Variants in CTBP2 observed in about 807,000 individuals in gnomAD.
CTBP2 encodes C-terminal-binding protein 2.
A neutral mutation model predicts 80.3 loss-of-function variants in CTBP2; 30 were observed. The ratio of observed to expected loss-of-function variants is 0.37; its 90% confidence interval spans 0.28 to 0.51. The LOEUF (loss-of-function observed/expected upper bound fraction) is 0.51. CTBP2 is among the 20% of genes least tolerant of loss of function. The pLI, the probability that CTBP2 is intolerant of heterozygous loss-of-function variation, is 0.93. For missense variants in CTBP2, 1,212 were observed against 1,375.3 expected (o/e 0.88, Z 1.88); for synonymous variants, 594 against 587.4 (o/e 1.01, Z -0.16).
chr10:125,093,879 A>G (rs1849157112), intron 2 of CTBP2, among the ~76,000 whole-genome samples: 2 of 152,196 alleles, frequency 1.3e-5, no homozygotes, highest in Non-Finnish European at 2.9e-5. Flanking sequence ...GATTCAACTA[A>G]ATCATCTCAA....
intron 1 of CTBP2, among the ~76,000 whole-genome samples, chr10:125,147,668 AG>A (rs1228612961): frequency 4.0e-5 from 6 of 150,644 alleles, no homozygotes; most frequent in Non-Finnish European, 8.8e-5. Flanking sequence ...GAGGCCAAGG[AG>A]GGAGGATTAC....
chr10:124,991,509 AT>A (rs1227824469), intron 8 of CTBP2, among the ~76,000 whole-genome samples: 2 of 152,238 alleles, frequency 1.3e-5, no homozygotes, highest in Non-Finnish European at 2.9e-5. Flanking sequence ...GAAGACAGCC[AT>A]GTGACCTGCA....
chr10:125,009,637 G>C (rs1955643388), intron 1 of CTBP2, among the ~76,000 whole-genome samples: 1 of 152,182 alleles, frequency 6.6e-6, no homozygotes, highest in Non-Finnish European at 1.5e-5. Context: ...TCAGAACTAA[G>C]GCCTGCTAAC....
intron 2 of CTBP2, among the ~76,000 whole-genome samples, chr10:125,104,607 T>C (rs950121925): frequency 6.6e-6 from 1 of 152,202 alleles, no homozygotes; most frequent in African/African-American, 2.4e-5. Context: ...CTCGCATGTA[T>C]TACCCGTGTG....
chr10:125,023,966 C>G (rs1005022546), intron 1 of CTBP2, among the ~76,000 whole-genome samples: 1 of 152,162 alleles, frequency 6.6e-6, no homozygotes, highest in Admixed American at 6.5e-5. Context: ...GGCACCAGAA[C>G]GAAGATGCGT....
intron 2 of CTBP2, among the ~76,000 whole-genome samples, chr10:125,047,632 C>T (rs191934876): frequency 8.5e-5 from 13 of 152,344 alleles, no homozygotes; most frequent in Admixed American, 2.6e-4. Context: ...AGGTTATATG[C>T]TAAACCTATG....
chr10:125,076,075 C>T (rs1483602039), intron 2 of CTBP2, among the ~76,000 whole-genome samples: 2 of 152,220 alleles, frequency 1.3e-5, no homozygotes, highest in African/African-American at 2.4e-5. Flanking sequence ...CACAATGGAA[C>T]CGTACACAGA....
intron 2 of CTBP2, among the ~76,000 whole-genome samples, chr10:125,055,593 G>C (rs1390472785): frequency 6.6e-6 from 1 of 152,144 alleles, no homozygotes; most frequent in Admixed American, 6.5e-5. Context: ...GAGTCAGACT[G>C]AGCCACACCA....
chr10:125,025,526 C>A (rs1957446214), intron 1 of CTBP2, among the ~76,000 whole-genome samples: 1 of 152,190 alleles, frequency 6.6e-6, no homozygotes, highest in African/African-American at 2.4e-5. Context: ...CAACATCTTG[C>A]TTTGTTTAAC....
chr10:125,050,256 C>T (rs976501094), intron 2 of CTBP2, among the ~76,000 whole-genome samples: 7 of 152,148 alleles, frequency 4.6e-5, no homozygotes, highest in African/African-American at 1.2e-4. Context: ...TGCGACAGGT[C>T]GTGGAAATGA....
chr10:125,006,684 T>TGA (rs1955286271), intron 1 of CTBP2, among the ~76,000 whole-genome samples: 2 of 152,216 alleles, frequency 1.3e-5, no homozygotes, highest in Non-Finnish European at 2.9e-5. Context: ...TCTGACCATT[T>TGA]GAGCAAGTTT....
chr10:125,099,711 G>A (rs1189142440), intron 2 of CTBP2, among the ~76,000 whole-genome samples: 1 of 152,248 alleles, frequency 6.6e-6, no homozygotes, highest in Non-Finnish European at 1.5e-5. Flanking sequence ...AGGGGAGGTG[G>A]CACCTCCAAG....
chr10:125,045,597 C>T (rs1961036749), intron 2 of CTBP2, among the ~76,000 whole-genome samples: 2 of 152,124 alleles, frequency 1.3e-5, no homozygotes, highest in African/African-American at 4.8e-5. Flanking sequence ...TTCTCGAGTT[C>T]AAGTGATTCT....
At chr10:125,157,041 C>A (rs1269378159) in intron 1 of CTBP2, among the ~76,000 whole-genome samples, 1 of 152,222 alleles carries the variant, frequency 6.6e-6, no homozygotes, top group African/African-American at 2.4e-5. Context: ...AAGTATGTCA[C>A]TGGCGTGTTT....
chr10:125,040,320 T>G (rs1212264261), intron 2 of CTBP2, among the ~76,000 whole-genome samples: 1 of 151,974 alleles, frequency 6.6e-6, no homozygotes, highest in East Asian at 1.9e-4. Context: ...CCGGGTATGC[T>G]GGCAGGCACC....
intron 1 of CTBP2, among the ~76,000 whole-genome samples, chr10:125,025,315 C>T (rs1226163318): frequency 1.3e-5 from 2 of 152,160 alleles, no homozygotes; most frequent in African/African-American, 4.8e-5. Flanking sequence ...AGGACGCCCA[C>T]CTAGGACTTC....
At chr10:125,049,029 T>C (rs978177502) in intron 2 of CTBP2, among the ~76,000 whole-genome samples, 7 of 127,500 alleles carry the variant, frequency 5.5e-5, no homozygotes, top group Non-Finnish European at 1.0e-4. Flanking sequence ...TGGCCTCAAT[T>C]TGCCCGCCTG....
At chr10:125,147,127 A>G (rs1329375766) in intron 1 of CTBP2, among the ~76,000 whole-genome samples, 1 of 152,208 alleles carries the variant, frequency 6.6e-6, no homozygotes, top group Non-Finnish European at 1.5e-5. Flanking sequence ...GGGAGCTATG[A>G]TGATGACGTG....
At chr10:124,993,433 A>G in intron 6 of CTBP2, 104 bp from the exon 9 acceptor site, 2 of 1,252,706 alleles carry the variant, frequency 1.6e-6, no homozygotes, top group South Asian at 1.6e-5. Flanking sequence ...GTAGCTACAT[A>G]GATAGCATGG....
Sources: gnomAD v4.1 joint callset for allele counts (sites outside exome capture counted in the v4.1 genomes callset) on GRCh38, gnomAD v4.1.1 for gene constraint, MANE v1.5 for transcripts, NCBI Gene and HGNC (gene_info 2026-07-23, HGNC 2026-07-21) for gene names.